BLTP3B: variants seen among roughly 807,000 people sequenced by gnomAD.
The protein encoded by BLTP3B is UHRF1 (ICBP90) binding protein 1-like.
chr12:100,106,414 A>AC, the BLTP3B span, among the ~76,000 whole-genome samples: 1 of 152,238 alleles, frequency 6.6e-6, no homozygotes, highest in Non-Finnish European at 1.5e-5. Flanking sequence ...ACCATGGAAT[A>AC]CTACTCAGCC....
chr12:100,101,455 A>G, the BLTP3B span, among the ~76,000 whole-genome samples: 1 of 152,210 alleles, frequency 6.6e-6, no homozygotes, highest in Non-Finnish European at 1.5e-5. Context: ...CACCTAGAAT[A>G]CTATACATGT....
chr12:100,097,655 G>A, the BLTP3B span: 2 of 856,308 alleles, frequency 2.3e-6, no homozygotes, highest in Non-Finnish European at 3.4e-6. Context: ...TTTGTAAATT[G>A]CATTATTCCA....
the BLTP3B span, among the ~76,000 whole-genome samples, chr12:100,085,781 A>G: frequency 6.6e-6 from 1 of 152,044 alleles, no homozygotes; most frequent in African/African-American, 2.4e-5. Flanking sequence ...ATTATTTGGG[A>G]GAAAGAATCT....
chr12:100,096,821 CAAAAAT>C, the BLTP3B span, among the ~76,000 whole-genome samples: 1 of 151,686 alleles, frequency 6.6e-6, no homozygotes, highest in African/African-American at 2.4e-5. Flanking sequence ...ACCCCAACTC[CAAAAAT>C]AAAAATAAAA....
At chr12:100,062,803 A>T in the BLTP3B span, among the ~76,000 whole-genome samples, 1 of 151,986 alleles carries the variant, frequency 6.6e-6, no homozygotes, top group African/African-American at 2.4e-5. Flanking sequence ...ATCTACAAAA[A>T]ATTTAAAATT....
At chr12:100,140,729 A>ATATAT in the BLTP3B span, among the ~76,000 whole-genome samples, 2 of 61,488 alleles carry the variant, frequency 3.3e-5, no homozygotes, top group South Asian at 5.7e-4. Context: ...AAAAAAAAAA[A>ATATAT]ATATATATAT....
chr12:100,080,834 A>G, the BLTP3B span, among the ~76,000 whole-genome samples: 1 of 133,974 alleles, frequency 7.5e-6, no homozygotes, highest in Non-Finnish European at 1.7e-5. Flanking sequence ...GGGCAGAATG[A>G]TATGGTTTGG....
At chr12:100,080,898 G>A in the BLTP3B span, among the ~76,000 whole-genome samples, 1 of 152,180 alleles carries the variant, frequency 6.6e-6, no homozygotes, top group Admixed American at 6.5e-5. Context: ...ATTCCCACAT[G>A]TTGTAGGAGG....
chr12:100,039,789 T>A, the BLTP3B span: 1 of 1,607,976 alleles, frequency 6.2e-7, no homozygotes, highest in Non-Finnish European at 8.5e-7. Context: ...CATGTGAGAA[T>A]CTGATCAAAC....
the BLTP3B span, among the ~76,000 whole-genome samples, chr12:100,135,176 T>C: frequency 6.6e-6 from 1 of 152,184 alleles, no homozygotes; most frequent in African/African-American, 2.4e-5. Flanking sequence ...TCTTCGTATG[T>C]TTTCAAAATA....
At chr12:100,039,195 A>G in the BLTP3B span, among the ~76,000 whole-genome samples, 1 of 152,116 alleles carries the variant, frequency 6.6e-6, no homozygotes, top group Admixed American at 6.6e-5. Flanking sequence ...CTTGAATGTT[A>G]ATAAATGTTT....
chr12:100,069,623 C>A, the BLTP3B span, among the ~76,000 whole-genome samples: 3 of 152,072 alleles, frequency 2.0e-5, no homozygotes, highest in Non-Finnish European at 2.9e-5. Flanking sequence ...AACTAAACAT[C>A]GTATGTTCTT....
the BLTP3B span, among the ~76,000 whole-genome samples, chr12:100,111,042 G>GAA: frequency 6.6e-6 from 1 of 151,594 alleles, no homozygotes; most frequent in East Asian, 1.9e-4. Context: ...ATATCTACAA[G>GAA]AAAAAAAGAG....
the BLTP3B span, among the ~76,000 whole-genome samples, chr12:100,113,204 G>A: frequency 4.7e-5 from 7 of 150,130 alleles, no homozygotes; most frequent in East Asian, 2.0e-4. Flanking sequence ...GGCCGGGTGC[G>A]GTGGCTCATG....
the BLTP3B span, among the ~76,000 whole-genome samples, chr12:100,123,029 C>T: frequency 6.6e-6 from 1 of 152,166 alleles, no homozygotes; most frequent in Non-Finnish European, 1.5e-5. Context: ...ATGCTCTGCT[C>T]GCTTCATCCA....
the BLTP3B span, chr12:100,072,864 A>G: frequency 6.5e-7 from 1 of 1,534,440 alleles, no homozygotes; most frequent in African/African-American, 1.4e-5. Context: ...AAACCTTTCC[A>G]AATAATTTAT....
At chr12:100,130,510 A>C in the BLTP3B span, among the ~76,000 whole-genome samples, 2 of 152,242 alleles carry the variant, frequency 1.3e-5, no homozygotes, top group African/African-American at 4.8e-5. Flanking sequence ...AGATAATCAA[A>C]ATCATACTCA....
At chr12:100,137,030 C>G in the BLTP3B span, among the ~76,000 whole-genome samples, 1 of 152,144 alleles carries the variant, frequency 6.6e-6, no homozygotes, top group Non-Finnish European at 1.5e-5. Context: ...AGACTGGTCT[C>G]GAACTCCCGA....
At chr12:100,070,268 GT>G in the BLTP3B span, 7 of 1,337,134 alleles carry the variant, frequency 5.2e-6, no homozygotes, top group East Asian at 2.9e-5. Context: ...ATGCCAGAAG[GT>G]TTTTTATTTT....
Sources: allele counts gnomAD v4.1 joint callset (sites outside exome capture counted in the v4.1 genomes callset), GRCh38; gene constraint gnomAD v4.1.1; transcripts MANE v1.5; gene names NCBI Gene and HGNC (gene_info 2026-07-23, HGNC 2026-07-21).